PHYHIPL: variants seen among roughly 807,000 people sequenced by gnomAD.
PHYHIPL encodes the protein phytanoyl-CoA 2-hydroxylase interacting protein like.
PHYHIPL carries 9 observed loss-of-function variants against 33.4 expected under a neutral mutation model. The observed-to-expected ratio is 0.27, with a 90% confidence interval of 0.16 to 0.47. PHYHIPL has a LOEUF of 0.47. PHYHIPL is among the 20% of genes least tolerant of loss of function. The pLI, the probability that PHYHIPL is intolerant of heterozygous loss-of-function variation, is 0.99. For synonymous variants in PHYHIPL, 153 were observed against 154.1 expected (o/e 0.99, Z 0.05); for missense variants, 365 against 460.7 (o/e 0.79, Z 1.90).
intron 1 of PHYHIPL, among the ~76,000 whole-genome samples, chr10:59,186,794 G>A (rs987116560): frequency 6.6e-6 from 1 of 152,190 alleles, no homozygotes; most frequent in African/African-American, 2.4e-5. Flanking sequence ...GAATGCTTGT[G>A]ATTTTTGTAC....
intron 1 of PHYHIPL, among the ~76,000 whole-genome samples, chr10:59,194,105 G>A (rs2436573): frequency 0.14 from 19,661 of 139,598 alleles, 1,526 homozygotes; most frequent in South Asian, 0.21. Context: ...TTTTTTTGAG[G>A]CAGTCTTGCC....
At chr10:59,186,946 G>A (rs1416513020) in intron 1 of PHYHIPL, among the ~76,000 whole-genome samples, 5 of 152,054 alleles carry the variant, frequency 3.3e-5, no homozygotes, top group Non-Finnish European at 5.9e-5. Flanking sequence ...CTAATTGAAT[G>A]CAGTTTATTT....
chr10:59,180,740 T>G (rs1374856419), intron 1 of PHYHIPL, among the ~76,000 whole-genome samples: 1 of 152,152 alleles, frequency 6.6e-6, no homozygotes, highest in Non-Finnish European at 1.5e-5. Flanking sequence ...AATGTTGAGT[T>G]TATCAAATTT....
chr10:59,223,734 C>T (rs112431820), intron 1 of PHYHIPL, among the ~76,000 whole-genome samples: 13,885 of 152,008 alleles, frequency 0.091, 842 homozygotes, highest in South Asian at 0.2. Context: ...TCATGGCTCA[C>T]TGCAGCCTTG....
chr10:59,244,617 G>A (rs1017220108), intron 4 of PHYHIPL, among the ~76,000 whole-genome samples: 4 of 137,696 alleles, frequency 2.9e-5, no homozygotes, highest in South Asian at 4.9e-4. Context: ...TTTTGTGCCA[G>A]TATAAATGGA....
chr10:59,245,739 A>C lies in PHYHIPL; in HGVS notation c.*148A>C, dbSNP rs1271176041. ...AAACAACTACCACTTTCCAAATTTC[A>C]TTCAGAACCATTTTAGTGTTTTCCT... On this transcript the variant is annotated 3_prime_UTR_variant, in exon 5 of 5. Transcript: ENST00000373880. 1 of 814,490 alleles carries C rather than the reference A, an allele frequency of 1.2e-6. No individual in the cohort carries two copies. Among genetic ancestry groups the C allele is most frequent in the Non-Finnish European group, 1.9e-6 (1 of 538,332 alleles). The allele number at this position is 814,490 out of a possible 1,614,324, so 50.5% of individuals were successfully genotyped here.
intron 1 of PHYHIPL, among the ~76,000 whole-genome samples, chr10:59,186,770 T>C (rs995901253): frequency 6.6e-6 from 1 of 152,206 alleles, no homozygotes; most frequent in Non-Finnish European, 1.5e-5. Context: ...TGTTTGTCTG[T>C]TATTGGTGTA....
intron 1 of PHYHIPL, among the ~76,000 whole-genome samples, chr10:59,203,622 A>G (rs977822933): frequency 2.0e-5 from 3 of 152,090 alleles, no homozygotes; most frequent in African/African-American, 7.2e-5. Context: ...TTGTAGGGAC[A>G]TGGATGAAGC....
chr10:59,233,927 G>C (rs1840150818), intron 1 of PHYHIPL, among the ~76,000 whole-genome samples: 1 of 151,758 alleles, frequency 6.6e-6, no homozygotes. Context: ...GTCACTGCTA[G>C]GTCATGGACT....
At chr10:59,230,342 T>C (rs931863867) in intron 1 of PHYHIPL, among the ~76,000 whole-genome samples, 1 of 151,492 alleles carries the variant, frequency 6.6e-6, no homozygotes, top group African/African-American at 2.4e-5. Flanking sequence ...GCCTCCCAGG[T>C]AGCTGGGACT....
intron 1 of PHYHIPL, among the ~76,000 whole-genome samples, chr10:59,188,939 A>G (rs1038460650): frequency 6.6e-6 from 1 of 152,092 alleles, no homozygotes; most frequent in African/African-American, 2.4e-5. Context: ...CTTCATATAA[A>G]TAAGTTTAGA....
At chr10:59,217,064 T>C (rs752081174) in intron 1 of PHYHIPL, among the ~76,000 whole-genome samples, 2 of 152,084 alleles carry the variant, frequency 1.3e-5, no homozygotes, top group African/African-American at 4.8e-5. Flanking sequence ...TTTTCACATA[T>C]GGAGATCACT....
Position 59,176,883 on chromosome 10 carries a change from C to T in PHYHIPL, c.30C>T (p.Leu10=), listed in dbSNP as rs751669029. ...AGGTGCCGCGCCTGGATCATGCCCT[C>T]AACAGCCCCACCAGCCCCTGTGAGG... MEVPRLDHA[L]NSPTSPCEEV... Residue 10 remains leucine (L), a synonymous_variant, in exon 1 of 5, where the codon CTC becomes CTT. Transcript: ENST00000373880. 1.1e-5 allele frequency: 17 copies of T among 1,613,468 alleles called. No homozygotes were observed. Among genetic ancestry groups the T allele is most frequent in the Middle Eastern group, 1.6e-4 (1 of 6,080 alleles).
At chr10:59,224,789 A>C (rs1475697688) in intron 1 of PHYHIPL, among the ~76,000 whole-genome samples, 1 of 152,156 alleles carries the variant, frequency 6.6e-6, no homozygotes, top group Non-Finnish European at 1.5e-5. Context: ...TCACAAAATC[A>C]AAACAATTCT....
chr10:59,232,696 T>C (rs1294076747), intron 1 of PHYHIPL, among the ~76,000 whole-genome samples: 1 of 151,964 alleles, frequency 6.6e-6, no homozygotes, highest in Non-Finnish European at 1.5e-5. Flanking sequence ...CTATTTTTTT[T>C]CACTCAGTTG....
chr10:59,202,720 G>A (rs967541125), intron 1 of PHYHIPL, among the ~76,000 whole-genome samples: 5 of 152,116 alleles, frequency 3.3e-5, no homozygotes, highest in African/African-American at 1.2e-4. Flanking sequence ...GTGAATATGT[G>A]GGATTATTGA....
At chr10:59,201,746 A>G (rs1839125248) in intron 1 of PHYHIPL, among the ~76,000 whole-genome samples, 1 of 152,214 alleles carries the variant, frequency 6.6e-6, no homozygotes, top group Admixed American at 6.6e-5. Context: ...ATTTGGAATT[A>G]AAATAAAATG....
At chr10:59,193,027 T>C (rs1277592833) in intron 1 of PHYHIPL, among the ~76,000 whole-genome samples, 1 of 152,132 alleles carries the variant, frequency 6.6e-6, no homozygotes, top group Non-Finnish European at 1.5e-5. Flanking sequence ...AGTTATTTTC[T>C]CTTGTTATAT....
chr10:59,213,098 A>C (rs1425252457), intron 1 of PHYHIPL, among the ~76,000 whole-genome samples: 1 of 152,128 alleles, frequency 6.6e-6, no homozygotes, highest in Non-Finnish European at 1.5e-5. Context: ...GCTTTTGCTT[A>C]ATAATTTGTA....
Sources: allele counts gnomAD v4.1 joint callset (sites outside exome capture counted in the v4.1 genomes callset), GRCh38; gene constraint gnomAD v4.1.1; transcripts MANE v1.5; gene names NCBI Gene and HGNC (gene_info 2026-07-23, HGNC 2026-07-21).